Variants in TLE2 observed in about 807,000 individuals in gnomAD.
TLE2 encodes transducin-like enhancer protein 2.
A neutral mutation model predicts 97.2 loss-of-function variants in TLE2; 74 were observed. The ratio of observed to expected loss-of-function variants is 0.76; its 90% CI spans 0.63 to 0.92. The LOEUF (loss-of-function observed/expected upper bound fraction) is 0.92. Ranked by LOEUF, TLE2 falls within the 40% of genes least tolerant of loss-of-function variation. TLE2 has a pLI of 0.00. For missense variants in TLE2, 1,038 were observed against 1,008.7 expected (o/e 1.03, Z -0.39); for synonymous variants, 499 against 432.1 (o/e 1.15, Z -1.92).
upstream of TLE2, among the ~76,000 whole-genome samples, chr19:3,031,866 C>T (rs899401674): frequency 2.0e-5 from 3 of 152,176 alleles, no homozygotes; most frequent in Non-Finnish European, 1.5e-5. Context: ...GTTATTTTCA[C>T]ACTCTCCATC....
chr19:3,021,642 G>C (rs1162384372), intron 5 of TLE2, among the ~76,000 whole-genome samples: 1 of 151,904 alleles, frequency 6.6e-6, no homozygotes, highest in Non-Finnish European at 1.5e-5. Context: ...GAGTGCAATG[G>C]CATGCTCTTG....
intron 5 of TLE2, among the ~76,000 whole-genome samples, chr19:3,022,944 A>T (rs1177758191): frequency 6.6e-6 from 1 of 152,156 alleles, no homozygotes; most frequent in African/African-American, 2.4e-5. Flanking sequence ...ATGTCAATAA[A>T]ACTTTATTTG....
intron 9 of TLE2, 63 bp from the exon 10 acceptor site, chr19:3,014,677 G>A (rs117415317): frequency 0.029 from 42,068 of 1,441,522 alleles, 684 homozygotes; most frequent in Non-Finnish European, 0.034. Context: ...CCCCCTATCC[G>A]CTCCTCAGGA....
chr19:3,011,054 G>T lies in TLE2; in HGVS notation c.980C>A (p.Ala327Asp). The T allele has an allele frequency of 6.2e-7, 1 of 1,606,422 alleles. No homozygotes were observed. Among genetic ancestry groups the T allele is most frequent in the Non-Finnish European group, 8.5e-7 (1 of 1,177,608 alleles). The change falls in exon 12 of 20, where the codon GCT (alanine) becomes GAT (aspartate). Residue 327 changes from alanine to aspartate, a missense_variant. Coordinates refer to ENST00000262953, the MANE Select transcript of TLE2 (RefSeq NM_003260.5). ...PSSASHLCQL[A>D]AKPAPSTDSV... ...GTCCGTGGAAGGTGCTGGCTTGGCAGCAAGCTGGCAGAGGTGACTGGCCGA... is the reference window on the plus strand; with the variant it reads ...GTCCGTGGAAGGTGCTGGCTTGGCATCAAGCTGGCAGAGGTGACTGGCCGA...
chr19:3,024,843 T>C (rs2089911982), intron 5 of TLE2, among the ~76,000 whole-genome samples, 177 bp downstream of exon 5: 1 of 152,224 alleles, frequency 6.6e-6, no homozygotes, highest in Non-Finnish European at 1.5e-5. Flanking sequence ...CTGCAGCCCC[T>C]GCCCCAGCGG....
At chr19:2,998,137 C>A (rs1346823756) in intron 19 of TLE2, among the ~76,000 whole-genome samples, 182 bp from the exon 20 acceptor site, 1 of 151,936 alleles carries the variant, frequency 6.6e-6, no homozygotes, top group Non-Finnish European at 1.5e-5. Context: ...GTGGTGCGAT[C>A]TTGGCTCACT....
chr19:3,034,659 T>TCTC (rs1361545957), intron 1 of TLE2, among the ~76,000 whole-genome samples: 1 of 151,706 alleles, frequency 6.6e-6, no homozygotes, highest in African/African-American at 2.4e-5. Context: ...CCTGTCTTCT[T>TCTC]CGCCTCCTGT....
At chr19:3,006,712 C>T (rs374351204) in intron 14 of TLE2, 43 bp from the exon 15 acceptor site, 26 of 1,512,506 alleles carry the variant, frequency 1.7e-5, no homozygotes, top group Non-Finnish European at 2.3e-5. Flanking sequence ...GGGCACCACG[C>T]CCCCGCACCC....
intron 18 of TLE2, among the ~76,000 whole-genome samples, chr19:3,001,748 T>TAC (rs2089364937): frequency 6.6e-6 from 1 of 150,628 alleles, no homozygotes; most frequent in Non-Finnish European, 1.5e-5. Flanking sequence ...TAGCTGAAAC[T>TAC]ACACACATCA....
chr19:3,006,620 A>G lies in TLE2; in HGVS notation c.1300T>C (p.Phe434Leu). 6.2e-7 allele frequency: 1 copy of G among 1,610,982 alleles called. No individual in the cohort carries two copies. Among genetic ancestry groups the G allele is most frequent in the Non-Finnish European group, 8.5e-7 (1 of 1,178,642 alleles). The change falls in exon 15 of 20, where the codon TTC (phenylalanine) becomes CTC (leucine). Residue 434 changes from phenylalanine (F) to leucine (L), a missense_variant. Physicochemically the swap from Phe to Leu is conservative, Grantham distance 22. Coordinates refer to ENST00000262953, the MANE Select transcript of TLE2 (RefSeq NM_003260.5). ...SADGQMQPVP[F>L]PSDALVGAGI... The stretch of plus-strand genomic sequence containing the variant: ...GCGCCTACCAGTGCATCCGAGGGGA[A>G]GGGAACCGGCTGCATCTGCCCGTCC...
intron 1 of TLE2, among the ~76,000 whole-genome samples, chr19:3,043,446 G>A (rs2090119458): frequency 6.7e-6 from 1 of 150,180 alleles, no homozygotes; most frequent in African/African-American, 2.5e-5. Flanking sequence ...CAAAGTGCTG[G>A]GATTACAGGC....
At chr19:3,028,514 C>G in intron 2 of TLE2, 132 bp from the exon 3 acceptor site, 1 of 1,055,454 alleles carries the variant, frequency 9.5e-7, no homozygotes, top group Non-Finnish European at 1.4e-6. Flanking sequence ...TCCCTCCCCG[C>G]CCCTTCCTGG....
intron 1 of TLE2, among the ~76,000 whole-genome samples, chr19:3,043,640 AT>A (rs1314981651): frequency 0.05 from 6,626 of 131,680 alleles, 176 homozygotes; most frequent in Middle Eastern, 0.082. Flanking sequence ...TCTACTAAAA[AT>A]ACAAAAAAAA....
chr19:3,019,141 T>C lies in TLE2; in HGVS notation c.550+142A>G. The C allele has an allele frequency of 2.4e-6, 3 of 1,242,948 alleles. No homozygotes were observed. The highest frequency in any genetic ancestry group is 3.3e-6 in the Non-Finnish European group (3 of 908,380). The allele number at this position is 1,242,948 out of a possible 1,614,324, so 77.0% of individuals were successfully genotyped here. A position where few individuals can be genotyped will look rare whatever the true frequency, so the allele number is the denominator to read the frequency against. On this transcript the variant is annotated intron_variant, in intron 7 of 19. Transcript: ENST00000262953. The surrounding 1 kb of genome is among the most constrained non-coding windows in gnomAD (Gnocchi z 5.1). Reference sequence around the variant, plus strand: ...ATGAACTCCTGGGCTCAAGCGATCCTCCCGCCTCGGCCTCCCAAATTGTTG... The same window carrying C: ...ATGAACTCCTGGGCTCAAGCGATCCCCCCGCCTCGGCCTCCCAAATTGTTG...
intron 1 of TLE2, among the ~76,000 whole-genome samples, chr19:3,039,761 G>A (rs1483036092): frequency 1.3e-5 from 2 of 152,186 alleles, no homozygotes; most frequent in African/African-American, 2.4e-5. Flanking sequence ...CGCGATGCCA[G>A]GTCCCCTGCT....
In TLE2 at chr19:3,006,117, C is replaced by G. The variant is rs774528805; in HGVS notation, c.1501-149G>C. The G allele has an allele frequency of 2.0e-5, 21 of 1,050,516 alleles. No homozygotes were observed. In the East Asian group the frequency reaches 5.0e-4, roughly 25 times the overall value. 65.1% of individuals were successfully genotyped at this position (1,050,516 alleles called of 1,614,324 possible). ...CCCTGATTGGCTGGTGAGCCCCGCC[C>G]CTTTGACCTGCAAACACTGCCCCAT... On this transcript the variant is annotated intron_variant, in intron 15 of 19. Coordinates refer to ENST00000262953, the MANE Select transcript of TLE2 (RefSeq NM_003260.5).
Position 3,011,519 on chromosome 19 carries a change from G to A in TLE2, c.874-359C>T, listed in dbSNP as rs58210754. 2.2e-3 allele frequency among the ~76,000 whole-genome samples: 270 copies of A among 120,334 alleles called. 1 individual carries two copies. Among genetic ancestry groups the A allele is most frequent in the Middle Eastern group, 0.012 (2 of 172 alleles). 78.9% of individuals were successfully genotyped at this position (120,334 alleles called of 152,430 possible). On this transcript the variant is annotated intron_variant, in intron 11 of 19. Coordinates refer to ENST00000262953, the MANE Select transcript of TLE2 (RefSeq NM_003260.5). ...TGCACTCCAGCCTGGGAGACAGAGC[G>A]ACTCCATCTCAAAAAAAAAAAAAAA... is the stretch of plus-strand genomic sequence containing the variant.
chr19:3,006,273 A>G, intron 15 of TLE2, 147 bp downstream of exon 15: 1 of 1,327,086 alleles, frequency 7.5e-7, no homozygotes, highest in Non-Finnish European at 1.1e-6. Flanking sequence ...GCCTTGTCCC[A>G]TGCGACTACG....
intron 11 of TLE2, among the ~76,000 whole-genome samples, chr19:3,011,971 G>A (rs1312446818): frequency 2.0e-5 from 3 of 151,866 alleles, no homozygotes; most frequent in East Asian, 1.9e-4. Flanking sequence ...TCAGACAGGC[G>A]CTGTGGCTCA....
Sources: allele counts gnomAD v4.1 joint callset (sites outside exome capture counted in the v4.1 genomes callset), GRCh38; gene constraint gnomAD v4.1.1; non-coding constraint Gnocchi (gnomAD v3.1); transcripts MANE v1.5; gene names NCBI Gene and HGNC (gene_info 2026-07-23, HGNC 2026-07-21).